Variants in TCEA1 observed in about 807,000 individuals in gnomAD.
The protein encoded by TCEA1 is transcription elongation factor A protein 1.
A neutral mutation model predicts 43.8 loss-of-function variants in TCEA1; 21 were observed. The ratio of observed to expected loss-of-function variants is 0.48; its 90% CI spans 0.34 to 0.69. The LOEUF is 0.69. TCEA1 is among the 30% of genes least tolerant of loss of function. TCEA1 has a pLI of 0.01. For synonymous variants in TCEA1, 104 were observed against 117.5 expected (o/e 0.88, Z 0.75); for missense variants, 250 against 365.1 (o/e 0.68, Z 2.57).
At chr8:53,998,287 T>A (rs1005196646) in intron 3 of TCEA1, among the ~76,000 whole-genome samples, 4 of 152,204 alleles carry the variant, frequency 2.6e-5, no homozygotes, top group Non-Finnish European at 5.9e-5. Context: ...ATGAGAGTTA[T>A]GTGATATTGC....
At chr8:53,992,171 G>A (rs1389720773) in intron 4 of TCEA1, among the ~76,000 whole-genome samples, 2 of 152,046 alleles carry the variant, frequency 1.3e-5, no homozygotes, top group Non-Finnish European at 2.9e-5. Flanking sequence ...AATTAGCCAG[G>A]TGTGGTGGCA....
At chr8:54,021,433 G>A (rs1446282976) in intron 1 of TCEA1, 2 of 152,198 alleles carry the variant, frequency 1.3e-5, no homozygotes, top group Non-Finnish European at 2.9e-5. Context: ...GAGTGTGCGT[G>A]CTGTAGTCCT....
intron 4 of TCEA1, 75 bp from the exon 5 acceptor site, chr8:53,988,334 T>C: frequency 6.6e-7 from 1 of 1,512,632 alleles, no homozygotes; most frequent in East Asian, 2.3e-5. Flanking sequence ...TATCATGCTG[T>C]AAAAACAAAA....
chr8:54,001,854 A>G (rs962245352), intron 2 of TCEA1, among the ~76,000 whole-genome samples: 1 of 152,026 alleles, frequency 6.6e-6, no homozygotes, highest in Non-Finnish European at 1.5e-5. Context: ...AGCCAAAATA[A>G]TAAGAAATGA....
At chr8:54,010,011 G>A in intron 2 of TCEA1, 1 of 178,272 alleles carries the variant, frequency 5.6e-6, no homozygotes. Context: ...GACATCAACT[G>A]TGTACATGCT....
chr8:54,004,918 T>C (rs755680377), intron 2 of TCEA1, among the ~76,000 whole-genome samples: 2 of 152,192 alleles, frequency 1.3e-5, no homozygotes, highest in Non-Finnish European at 2.9e-5. Flanking sequence ...TTAATCATGA[T>C]TGAATAAATT....
chr8:53,981,645 C>G lies in TCEA1; in HGVS notation c.679-2474G>C, dbSNP rs1344602690. Among the ~76,000 whole-genome samples, 3 of 152,166 alleles carry G rather than the reference C, an allele frequency of 2.0e-5. No homozygotes were observed. In the East Asian group the frequency reaches 5.8e-4, roughly 29 times the overall value. Reference sequence around the variant, plus strand: ...ACAATGCACTTAGTCATCAATATGCCTAGTCATCCAATAGCTCTGATGGAG... The same window carrying G: ...ACAATGCACTTAGTCATCAATATGCGTAGTCATCCAATAGCTCTGATGGAG... On this transcript the variant is annotated intron_variant, in intron 7 of 9. Transcript: ENST00000521604.
intron 3 of TCEA1, among the ~76,000 whole-genome samples, chr8:53,999,224 C>CAAAAA (rs57357613): frequency 1.2e-3 from 78 of 64,298 alleles, no homozygotes; most frequent in African/African-American, 1.6e-3. Context: ...GACTCAGTCT[C>CAAAAA]AAAAAAAAAA....
Position 53,994,656 on chromosome 8 carries a change from C to G in TCEA1, c.233-901G>C, listed in dbSNP as rs111243527. ...GGCCACGGCGGGCAGATCACGAGGT[C>G]AGGAGATCAAGATCATCCTGGTTAA... On this transcript the variant is annotated intron_variant, in intron 3 of 9. Coordinates refer to ENST00000521604, the MANE Select transcript of TCEA1 (RefSeq NM_006756.4). 2.6e-5 allele frequency among the ~76,000 whole-genome samples: 4 copies of G among 152,044 alleles called. 1 individual carries two copies. The highest frequency in any genetic ancestry group is 7.2e-5 in the African/African-American group (3 of 41,484).
intron 1 of TCEA1, among the ~76,000 whole-genome samples, chr8:54,016,196 G>A (rs563736363): frequency 4.6e-5 from 7 of 152,182 alleles, no homozygotes; most frequent in Admixed American, 2.6e-4. Flanking sequence ...AACATATGTC[G>A]CCAGGCGCGG....
At chr8:54,016,973 C>T (rs1461821826) in intron 1 of TCEA1, among the ~76,000 whole-genome samples, 4 of 119,474 alleles carry the variant, frequency 3.3e-5, no homozygotes, top group Non-Finnish European at 6.5e-5. Context: ...GATGAGACTC[C>T]GTCTCAAAAA....
At chr8:53,982,517 A>T (rs1431690426) in intron 7 of TCEA1, among the ~76,000 whole-genome samples, 1 of 150,454 alleles carries the variant, frequency 6.6e-6, no homozygotes, top group Non-Finnish European at 1.5e-5. Context: ...CTAAGGCAGG[A>T]GAATCGCTTG....
At chr8:54,010,839 C>T (rs1804630055) in intron 1 of TCEA1, among the ~76,000 whole-genome samples, 1 of 151,476 alleles carries the variant, frequency 6.6e-6, no homozygotes, top group Admixed American at 6.6e-5. Flanking sequence ...AAGACAGAGT[C>T]TCACTCTGTT....
intron 1 of TCEA1, among the ~76,000 whole-genome samples, chr8:54,011,912 G>A (rs898255946): frequency 2.6e-5 from 4 of 152,106 alleles, no homozygotes; most frequent in Non-Finnish European, 5.9e-5. Context: ...ATTATGACAC[G>A]TTATTATAAG....
At chr8:53,995,329 C>T (rs1804020713) in intron 3 of TCEA1, among the ~76,000 whole-genome samples, 1 of 149,228 alleles carries the variant, frequency 6.7e-6, no homozygotes, top group African/African-American at 2.5e-5. Context: ...AAATTCAGTG[C>T]ATGCCTGTAG....
intron 1 of TCEA1, among the ~76,000 whole-genome samples, chr8:54,021,199 T>G (rs976817620): frequency 9.2e-5 from 14 of 152,020 alleles, no homozygotes; most frequent in Middle Eastern, 3.2e-3. Flanking sequence ...CGAAAAAATA[T>G]GTTTAGCTAA....
intron 2 of TCEA1, among the ~76,000 whole-genome samples, chr8:54,000,301 AG>A (rs1333131678): frequency 6.6e-6 from 1 of 152,244 alleles, no homozygotes; most frequent in East Asian, 1.9e-4. Flanking sequence ...CTGGTTAACT[AG>A]AAAAATGCAA....
intron 1 of TCEA1, among the ~76,000 whole-genome samples, chr8:54,013,452 A>C (rs569904103): frequency 2.2e-4 from 34 of 152,126 alleles, no homozygotes; most frequent in Non-Finnish European, 4.4e-4. Context: ...CCGAGGTGGG[A>C]GGATCAACCT....
intron 6 of TCEA1, among the ~76,000 whole-genome samples, chr8:53,986,453 T>G (rs773460251): frequency 2.0e-5 from 3 of 152,234 alleles, no homozygotes; most frequent in Non-Finnish European, 4.4e-5. Context: ...AAAGTCAATC[T>G]TGGACACTCA....
Sources: allele counts gnomAD v4.1 joint callset (sites outside exome capture counted in the v4.1 genomes callset), GRCh38; gene constraint gnomAD v4.1.1; transcripts MANE v1.5; gene names NCBI Gene and HGNC (gene_info 2026-07-23, HGNC 2026-07-21).